The following FAM167A variants were observed in gnomAD, a reference collection of about 807,000 sequenced individuals.
FAM167A encodes protein FAM167A.
A neutral mutation model predicts 14.9 loss-of-function variants in FAM167A; 23 were observed. The ratio of observed to expected loss-of-function variants is 1.55; its 90% CI spans 1.11 to 2.19. FAM167A has a LOEUF of 2.19. Among genes scored for constraint, FAM167A ranks in the 30% most tolerant of loss-of-function variants. FAM167A has a pLI of 0.00. For synonymous variants in FAM167A, 174 were observed against 117.7 expected (o/e 1.48, Z -3.10); for missense variants, 401 against 281.5 (o/e 1.42, Z -3.04).
In FAM167A at chr8:11,441,338, G is replaced by A. The variant is rs370843451; in HGVS notation, c.381+2693C>T. ...CCTTTCATTCCCTGATACCCTAAGT[G>A]TGGCCCAGGGACTAACAGAATAGTG... On this transcript the variant is annotated intron_variant, in intron 2 of 2. Coordinates refer to ENST00000284486, the MANE Select transcript of FAM167A (RefSeq NM_053279.3). Among the ~76,000 whole-genome samples the A allele has an allele frequency of 1.7e-4, 26 of 152,338 alleles. No individual in the cohort carries two copies. In the East Asian group the frequency reaches 3.9e-3, roughly 23 times the overall value.
chr8:11,456,144 TGTGTGA>T (rs1563387014), intron 1 of FAM167A, among the ~76,000 whole-genome samples: 4 of 4,520 alleles, frequency 8.8e-4, no homozygotes, highest in Admixed American at 3.0e-3. Context: ...GCTGTGTGTG[TGTGTGA>T]ATGTGGGGGG....
intron 1 of FAM167A, among the ~76,000 whole-genome samples, chr8:11,456,810 TGG>T (rs1365829585): frequency 4.2e-5 from 5 of 118,218 alleles, no homozygotes; most frequent in Admixed American, 8.7e-5. Context: ...TGAGTGGGGC[TGG>T]GTTAGGGACG....
intron 1 of FAM167A, among the ~76,000 whole-genome samples, chr8:11,456,226 AG>A (rs1217243385): frequency 6.1e-5 from 4 of 65,222 alleles, no homozygotes; most frequent in Non-Finnish European, 2.8e-5. Flanking sequence ...AGTGTGAGTG[AG>A]TGTGGGGGGT....
chr8:11,456,758 T>C (rs1330244000), intron 1 of FAM167A, among the ~76,000 whole-genome samples: 41 of 145,960 alleles, frequency 2.8e-4, no homozygotes, highest in African/African-American at 9.8e-4. Flanking sequence ...GTGAAGGACG[T>C]GGGTGGTGCT....
intron 2 of FAM167A, chr8:11,438,326 G>A (rs1806183962): frequency 2.4e-6 from 1 of 414,660 alleles, no homozygotes; most frequent in Non-Finnish European, 4.8e-6. Context: ...TCCCTGGCCA[G>A]CAGCCCCAAC....
intron 1 of FAM167A, among the ~76,000 whole-genome samples, chr8:11,456,156 G>A (rs1807277786): frequency 6.0e-5 from 1 of 16,776 alleles, no homozygotes; most frequent in South Asian, 1.7e-3. Flanking sequence ...TGTGAATGTG[G>A]GGGGTGGTTG....
At position 11,421,879 on chromosome 8, in the gene FAM167A, C is replaced by A. The variant is rs917805165; in HGVS notation, c.*2494G>T. ...CCAATGTTGCTGCTGACTCATAGAC[C>A]CACAGAGAGCAGGGACTTCACAAAG... On this transcript the variant is annotated 3_prime_UTR_variant, in exon 3 of 3. Coordinates refer to ENST00000284486, the MANE Select transcript of FAM167A (RefSeq NM_053279.3). 18 of 398,574 alleles carry A rather than the reference C, an allele frequency of 4.5e-5. No individual in the cohort carries two copies. The highest frequency in any genetic ancestry group is 3.5e-4 in the African/African-American group (17 of 48,730). 24.7% of individuals were successfully genotyped at this position (398,574 alleles called of 1,614,324 possible).
intron 1 of FAM167A, among the ~76,000 whole-genome samples, chr8:11,460,771 G>A (rs796266855): frequency 3.6e-4 from 55 of 152,252 alleles, no homozygotes; most frequent in African/African-American, 1.3e-3. Context: ...AGCTCCATGA[G>A]TGGCGCTGGC....
chr8:11,441,475 G>A (rs2117072639), intron 2 of FAM167A, among the ~76,000 whole-genome samples: 1 of 152,324 alleles, frequency 6.6e-6, no homozygotes, highest in Middle Eastern at 3.4e-3. Context: ...ATTAGAGTTT[G>A]GCAGTCAATG....
At chr8:11,435,610 C>T (rs1047445035) in intron 2 of FAM167A, among the ~76,000 whole-genome samples, 1 of 152,206 alleles carries the variant, frequency 6.6e-6, no homozygotes, top group Non-Finnish European at 1.5e-5. Flanking sequence ...CCGCCACCCT[C>T]TGGGATCTCC....
intron 1 of FAM167A, among the ~76,000 whole-genome samples, chr8:11,463,608 G>A (rs375125605): frequency 6.6e-6 from 1 of 152,200 alleles, no homozygotes; most frequent in East Asian, 1.9e-4. Flanking sequence ...GGAAAATGGG[G>A]TCTGACCTGG....
chr8:11,450,664 A>G (rs1806986945), intron 1 of FAM167A, among the ~76,000 whole-genome samples: 1 of 152,236 alleles, frequency 6.6e-6, no homozygotes, highest in African/African-American at 2.4e-5. Flanking sequence ...TCCAGTACTT[A>G]GCACAATGCT....
intron 1 of FAM167A, among the ~76,000 whole-genome samples, chr8:11,449,309 A>G (rs891690004): frequency 3.3e-5 from 5 of 152,212 alleles, no homozygotes; most frequent in Non-Finnish European, 5.9e-5. Flanking sequence ...AAAGCTTGTC[A>G]CTGCTCACTG....
chr8:11,452,515 G>A (rs1299947772), intron 1 of FAM167A, among the ~76,000 whole-genome samples: 1 of 152,186 alleles, frequency 6.6e-6, no homozygotes, highest in East Asian at 1.9e-4. Context: ...GAGCATGAAG[G>A]AGTGAGCCTG....
chr8:11,445,783 G>C (rs1384549800), intron 1 of FAM167A, among the ~76,000 whole-genome samples: 1 of 151,744 alleles, frequency 6.6e-6, no homozygotes, highest in African/African-American at 2.4e-5. Context: ...ATCTGATTTG[G>C]ACCCAGGTGG....
At chr8:11,464,548 G>T (rs1056770615) in intron 1 of FAM167A, among the ~76,000 whole-genome samples, 1 of 152,076 alleles carries the variant, frequency 6.6e-6, no homozygotes, top group Admixed American at 6.6e-5. Context: ...TCCAAGTCTC[G>T]GGGTGCATTT....
At position 11,421,983 on chromosome 8, in the gene FAM167A, G is replaced by C. The variant is rs868778511; in HGVS notation, c.*2390C>G. ...CACTGGACGATGTTTAGAAAACATC[G>C]CTGTCCCCCTCCACTTCTCATCTTG... is the stretch of plus-strand genomic sequence containing the variant. On this transcript the variant is annotated 3_prime_UTR_variant, in exon 3 of 3. Transcript: ENST00000284486. 1.5e-5 allele frequency: 6 copies of C among 396,582 alleles called. No homozygotes were observed. The highest frequency in any genetic ancestry group is 1.0e-4 in the African/African-American group (5 of 48,706). 24.6% of individuals were successfully genotyped at this position (396,582 alleles called of 1,614,324 possible). A position where few individuals can be genotyped will look rare whatever the true frequency, so the allele number is the denominator to read the frequency against.
chr8:11,467,142 T>G (rs114758932), upstream of FAM167A, among the ~76,000 whole-genome samples: 2,268 of 152,282 alleles, frequency 0.015, 51 homozygotes, highest in African/African-American at 0.051. Context: ...CAGGAGTTCA[T>G]AGGACCCGCG....
In FAM167A at chr8:11,444,525, G is replaced by A. The variant is rs1055639199; in HGVS notation, c.-114C>T. Reference sequence around the variant, plus strand: ...GGATGGCCTCATCCAGGTGCCCGAGGGCATTTCCGGGACAGGAGCCGGCCT... The same window carrying A: ...GGATGGCCTCATCCAGGTGCCCGAGAGCATTTCCGGGACAGGAGCCGGCCT... On this transcript the variant is annotated 5_prime_UTR_variant, in exon 2 of 3. Coordinates refer to ENST00000284486, the MANE Select transcript of FAM167A (RefSeq NM_053279.3). 2.0e-6 allele frequency: 3 copies of A among 1,477,214 alleles called. No homozygotes were observed. Among genetic ancestry groups the A allele is most frequent in the African/African-American group, 2.8e-5 (2 of 70,832 alleles). The allele number at this position is 1,477,214 out of a possible 1,614,324, so 91.5% of individuals were successfully genotyped here.
Sources: allele counts gnomAD v4.1 joint callset (sites outside exome capture counted in the v4.1 genomes callset), GRCh38; gene constraint gnomAD v4.1.1; transcripts MANE v1.5; gene names NCBI Gene and HGNC (gene_info 2026-07-23, HGNC 2026-07-21).